Variants in METTL25 observed in about 807,000 individuals in gnomAD.
METTL25 encodes methyltransferase like 25.
A neutral mutation model predicts 71.6 loss-of-function variants in METTL25; 64 were observed. That is an observed-to-expected ratio of 0.89 (90% confidence interval 0.73 to 1.10). The LOEUF (loss-of-function observed/expected upper bound fraction) is 1.10. Among genes scored for constraint, METTL25 ranks in the 50% least tolerant of loss-of-function variants. The pLI is 0.00. For synonymous variants in METTL25, 287 were observed against 250.3 expected (o/e 1.15, Z -1.38); for missense variants, 807 against 707.0 (o/e 1.14, Z -1.60).
intron 3 of METTL25, among the ~76,000 whole-genome samples, chr12:82,393,559 C>T (rs1462933268): frequency 1.3e-5 from 2 of 151,996 alleles, no homozygotes; most frequent in African/African-American, 4.8e-5. Context: ...ATCATATCAT[C>T]TGTAAACAAA....
intron 1 of METTL25, among the ~76,000 whole-genome samples, chr12:82,373,635 C>T (rs73151413): frequency 0.062 from 9,440 of 152,104 alleles, 342 homozygotes; most frequent in Middle Eastern, 0.12. Context: ...CTCGCTGGGG[C>T]GACATAACTT....
At chr12:82,410,393 T>A (rs1311839623) in intron 5 of METTL25, among the ~76,000 whole-genome samples, 2 of 152,138 alleles carry the variant, frequency 1.3e-5, no homozygotes, top group African/African-American at 4.8e-5. Context: ...TCTCATACAA[T>A]ATGTATTTTC....
intron 9 of METTL25, among the ~76,000 whole-genome samples, chr12:82,472,403 C>G (rs903781238): frequency 2.2e-4 from 33 of 152,126 alleles, no homozygotes; most frequent in Non-Finnish European, 3.8e-4. Flanking sequence ...TCGAGCCCAT[C>G]CTGGCTAACA....
At chr12:82,475,230 C>G (rs1892817290) in intron 9 of METTL25, among the ~76,000 whole-genome samples, 1 of 152,312 alleles carries the variant, frequency 6.6e-6, no homozygotes, top group Middle Eastern at 3.4e-3. Context: ...TAATTCAACA[C>G]ACGCAATTTT....
chr12:82,358,886 C>A (rs1271882956), intron 1 of METTL25, 62 bp downstream of exon 1: 3 of 1,536,696 alleles, frequency 2.0e-6, no homozygotes, highest in Non-Finnish European at 2.6e-6. Context: ...GCAGACGAAG[C>A]GAGCCCCCTG....
At chr12:82,446,961 C>A (rs182555983) in intron 8 of METTL25, among the ~76,000 whole-genome samples, 176 of 152,078 alleles carry the variant, frequency 1.2e-3, no homozygotes, top group African/African-American at 4.2e-3. Flanking sequence ...ACATACCAGA[C>A]TGTATAGTAT....
chr12:82,423,756 A>G (rs1296997587), intron 5 of METTL25, among the ~76,000 whole-genome samples: 1 of 152,124 alleles, frequency 6.6e-6, no homozygotes, highest in East Asian at 1.9e-4. Context: ...CTCAAAAGAC[A>G]TTTATGCAGC....
At chr12:82,402,232 A>G (rs17712868) in intron 4 of METTL25, among the ~76,000 whole-genome samples, 8,807 of 152,106 alleles carry the variant, frequency 0.058, 330 homozygotes, top group Middle Eastern at 0.12. Flanking sequence ...GATGCGGTGT[A>G]TAAACTAAGC....
rs1412248100 is a variant in METTL25 at position 82,358,799 on chromosome 12, C to T, written c.234C>T (p.Pro78=). The T allele has an allele frequency of 1.2e-6, 2 of 1,613,274 alleles. No homozygotes were observed. Among genetic ancestry groups the T allele is most frequent in the Non-Finnish European group, 1.7e-6 (2 of 1,179,612 alleles). Residue 78 remains proline (P), a synonymous_variant, in exon 1 of 12, where the codon CCC becomes CCT. Transcript: ENST00000248306. ...AGGCCCTGCCCTCAGAGACGCGCCC[C>T]CTAGTGGAAGCAGAGTGGGAAGCAG... ...ETEALPSETR[P]LVEAEWEAGM...
intron 1 of METTL25, among the ~76,000 whole-genome samples, chr12:82,366,674 C>A (rs532859555): frequency 1.3e-5 from 2 of 151,680 alleles, no homozygotes; most frequent in Admixed American, 6.6e-5. Flanking sequence ...ATTGAAATTG[C>A]GCTCATATTT....
At chr12:82,457,981 C>T (rs1357082333) in intron 9 of METTL25, among the ~76,000 whole-genome samples, 2 of 152,046 alleles carry the variant, frequency 1.3e-5, no homozygotes, top group African/African-American at 4.8e-5. Flanking sequence ...CATTTCATGT[C>T]TTGCATTTAA....
intron 9 of METTL25, among the ~76,000 whole-genome samples, chr12:82,461,067 C>T (rs1040970447): frequency 1.3e-5 from 2 of 152,122 alleles, no homozygotes; most frequent in East Asian, 1.9e-4. Flanking sequence ...GGCATGAACC[C>T]GGGAGGCAGA....
At chr12:82,399,978 T>C (rs942643672) in intron 4 of METTL25, among the ~76,000 whole-genome samples, 18 of 150,924 alleles carry the variant, frequency 1.2e-4, no homozygotes, top group African/African-American at 4.4e-4. Flanking sequence ...CTTTTGGAGT[T>C]GTATTACCCT....
At chr12:82,469,374 C>T (rs1223000932) in intron 9 of METTL25, among the ~76,000 whole-genome samples, 2 of 151,916 alleles carry the variant, frequency 1.3e-5, no homozygotes, top group African/African-American at 4.8e-5. Flanking sequence ...GCTGGGGAGT[C>T]TTCAGGAAAA....
intron 1 of METTL25, among the ~76,000 whole-genome samples, chr12:82,366,551 T>A (rs1162085964): frequency 6.6e-6 from 1 of 152,170 alleles, no homozygotes; most frequent in Non-Finnish European, 1.5e-5. Flanking sequence ...CATGATAGAT[T>A]ATTCTTTTAT....
intron 9 of METTL25, among the ~76,000 whole-genome samples, chr12:82,457,923 T>A (rs1014298962): frequency 2.0e-5 from 3 of 152,162 alleles, no homozygotes; most frequent in Non-Finnish European, 4.4e-5. Context: ...ACCTGACTGA[T>A]CTTCCTTCCA....
intron 9 of METTL25, among the ~76,000 whole-genome samples, chr12:82,470,031 C>A (rs906235795): frequency 2.4e-4 from 36 of 152,266 alleles, no homozygotes; most frequent in African/African-American, 7.7e-4. Context: ...ATTGTATGTT[C>A]TCTTTAGACT....
chr12:82,371,950 A>T (rs141128798), intron 1 of METTL25, among the ~76,000 whole-genome samples: 11 of 152,144 alleles, frequency 7.2e-5, no homozygotes, highest in Admixed American at 5.9e-4. Context: ...TCTATATCCC[A>T]GTGGATCCAT....
At chr12:82,403,153 A>G (rs766648110) in intron 5 of METTL25, 23 bp downstream of exon 5, 1 of 1,590,752 alleles carries the variant, frequency 6.3e-7, no homozygotes, top group Admixed American at 1.8e-5. Flanking sequence ...CATGTGTCAT[A>G]ATTTTTATTC....
Sources: allele counts gnomAD v4.1 joint callset (sites outside exome capture counted in the v4.1 genomes callset), GRCh38; gene constraint gnomAD v4.1.1; transcripts MANE v1.5; gene names NCBI Gene and HGNC (gene_info 2026-07-23, HGNC 2026-07-21).